The following VAV2 variants were observed in gnomAD, a reference collection of about 807,000 sequenced individuals.
VAV2 encodes vav guanine nucleotide exchange factor 2, also known as guanine nucleotide exchange factor VAV2.
In VAV2, 67 loss-of-function variants were observed where a neutral mutation model predicts 132.5. The observed-to-expected ratio is 0.51, with a 90% CI of 0.42 to 0.62. VAV2 has a LOEUF of 0.62. Among genes scored for constraint, VAV2 ranks in the 20% least tolerant of loss-of-function variants. The probability of loss-of-function intolerance (pLI) is 0.00; values close to 1 mark genes in which losing one functional copy is unlikely to be tolerated. For synonymous variants in VAV2, 492 were observed against 443.5 expected (o/e 1.11, Z -1.37); for missense variants, 938 against 1,153.6 (o/e 0.81, Z 2.71).
chr9:133,925,615 C>T (rs1423070409), intron 2 of VAV2, among the ~76,000 whole-genome samples: 2 of 152,160 alleles, frequency 1.3e-5, no homozygotes, highest in African/African-American at 4.8e-5. Flanking sequence ...CTGCATGTTT[C>T]GCCACTGCCC....
chr9:133,934,724 C>T (rs1840840113), intron 2 of VAV2, among the ~76,000 whole-genome samples: 1 of 152,200 alleles, frequency 6.6e-6, no homozygotes, highest in African/African-American at 2.4e-5. Flanking sequence ...GGGACTGGGG[C>T]CAAGCCCTGT....
Position 133,973,195 on chromosome 9 carries a change from A to C in VAV2, c.204+18880T>G, listed in dbSNP as rs190703298. On this transcript the variant is annotated intron_variant, in intron 1 of 29. Transcript: ENST00000371850. The stretch of plus-strand genomic sequence containing the variant: ...CCCCTGTCTGCACACAGTTGAAGAG[A>C]CCTCAATGCCACCATCTGTCTGGCA... Among the ~76,000 whole-genome samples, 69 of 152,014 alleles carry C rather than the reference A, an allele frequency of 4.5e-4. 1 individual carries two copies. Among genetic ancestry groups the C allele is most frequent in the Middle Eastern group, 6.8e-3 (2 of 294 alleles).
At chr9:133,915,989 C>T (rs12000484) in intron 2 of VAV2, among the ~76,000 whole-genome samples, 7,925 of 151,904 alleles carry the variant, frequency 0.052, 670 homozygotes, top group African/African-American at 0.18. Flanking sequence ...ACACGATGCA[C>T]ACATGATATA....
chr9:133,880,188 C>T (rs995885019), intron 2 of VAV2, among the ~76,000 whole-genome samples: 4 of 152,324 alleles, frequency 2.6e-5, no homozygotes, highest in East Asian at 1.9e-4. Flanking sequence ...TTGGCACTCA[C>T]GAGCAGCCCT....
At chr9:133,854,774 C>A (rs145547781) in intron 3 of VAV2, among the ~76,000 whole-genome samples, 3 of 152,226 alleles carry the variant, frequency 2.0e-5, no homozygotes, top group South Asian at 2.1e-4. Flanking sequence ...AGGTTGAATC[C>A]ATTATTGTAA....
At chr9:133,956,570 T>C (rs760282103) in intron 1 of VAV2, among the ~76,000 whole-genome samples, 4 of 152,194 alleles carry the variant, frequency 2.6e-5, no homozygotes, top group Non-Finnish European at 4.4e-5. Context: ...GTCCTGGGAA[T>C]GTATAAAAAG....
At chr9:133,855,907 G>A (rs1837365983) in intron 3 of VAV2, among the ~76,000 whole-genome samples, 1 of 152,220 alleles carries the variant, frequency 6.6e-6, no homozygotes, top group South Asian at 2.1e-4. Flanking sequence ...AAACAGGCCA[G>A]AGTTCATCAC....
intron 2 of VAV2, among the ~76,000 whole-genome samples, chr9:133,915,656 C>T (rs1290319391): frequency 3.3e-5 from 5 of 151,634 alleles, no homozygotes; most frequent in East Asian, 1.9e-4. Flanking sequence ...TACATGTACA[C>T]GACGCACACA....
At chr9:133,849,266 G>C (rs1025797243) in intron 3 of VAV2, among the ~76,000 whole-genome samples, 6 of 152,162 alleles carry the variant, frequency 3.9e-5, no homozygotes, top group African/African-American at 1.2e-4. Flanking sequence ...GACCCCGAAG[G>C]CTCACCCCTC....
At chr9:133,832,114 G>A (rs551035452) in intron 4 of VAV2, among the ~76,000 whole-genome samples, 2 of 152,316 alleles carry the variant, frequency 1.3e-5, no homozygotes, top group African/African-American at 4.8e-5. Flanking sequence ...GCTGGACCAG[G>A]AGAGGACAGG....
In VAV2 at chr9:133,961,695, C is replaced by A. The variant is rs765276636; in HGVS notation, c.205-22476G>T. The stretch of plus-strand genomic sequence containing the variant: ...TTACTTCCCATTGCAAACCCCTAGC[C>A]GGTTTGCCTGCGAACTCCCAAGCCA... On this transcript the variant is annotated intron_variant, in intron 1 of 29. Coordinates refer to ENST00000371850, the MANE Select transcript of VAV2 (RefSeq NM_001134398.2). This position sits in a 1 kb window ranked among gnomAD's most constrained non-coding sequence, Gnocchi z 4.1. 6.6e-6 allele frequency among the ~76,000 whole-genome samples: 1 copy of A among 152,202 alleles called. No individual in the cohort carries two copies. Among genetic ancestry groups the A allele is most frequent in the African/African-American group, 2.4e-5 (1 of 41,444 alleles).
intron 1 of VAV2, among the ~76,000 whole-genome samples, chr9:133,955,430 T>A (rs1426181544): frequency 2.9e-5 from 1 of 34,018 alleles, no homozygotes; most frequent in Non-Finnish European, 5.6e-5. Context: ...CCCCCCTGCT[T>A]CTCCCCACTC....
rs1835066820 is a variant in VAV2 at position 133,804,704 on chromosome 9, C to A, written c.836+1377G>T. Among the ~76,000 whole-genome samples the A allele has an allele frequency of 6.6e-6, 1 of 152,208 alleles. No homozygotes were observed. Among genetic ancestry groups the A allele is most frequent in the Non-Finnish European group, 1.5e-5 (1 of 68,034 alleles). ...CACTGTACCCCACACCTGCTGAGGA[C>A]TGGGGCGACAGCCAGTGTGACCTGC... On this transcript the variant is annotated intron_variant, in intron 9 of 29. Transcript: ENST00000371850. The surrounding 1 kb of genome is among the most constrained non-coding windows in gnomAD (Gnocchi z 4.5).
chr9:133,862,942 G>A (rs529036373), intron 2 of VAV2, among the ~76,000 whole-genome samples: 199 of 152,322 alleles, frequency 1.3e-3, no homozygotes, highest in African/African-American at 4.4e-3. Flanking sequence ...CTTCCTGTAC[G>A]TGCTCGTGAT....
rs561823453 is a variant in VAV2, at chr9:133,772,912, G to A, written c.2136-866C>T. On this transcript the variant is annotated intron_variant, in intron 25 of 29. Transcript: ENST00000371850. ...TGCACACCCCACATGTAGGCTGGAC[G>A]GCAGAGCCTACCACACACCCTATAC... 8.5e-4 allele frequency among the ~76,000 whole-genome samples: 92 copies of A among 108,354 alleles called. 2 individuals are homozygous for A. Among genetic ancestry groups the A allele is most frequent in the Non-Finnish European group, 1.4e-3 (62 of 45,590 alleles). 71.1% of individuals were successfully genotyped at this position (108,354 alleles called of 152,430 possible). A position where few individuals can be genotyped will look rare whatever the true frequency, so the allele number is the denominator to read the frequency against.
intron 1 of VAV2, among the ~76,000 whole-genome samples, chr9:133,973,695 C>T (rs1842415353): frequency 6.6e-6 from 1 of 152,188 alleles, no homozygotes. Context: ...CTAGATACCC[C>T]GCACAAGGGT....
At chr9:133,791,923 CTG>C (rs772384036) in intron 12 of VAV2, 54 bp from the exon 13 acceptor site, 11 of 1,377,290 alleles carry the variant, frequency 8.0e-6, no homozygotes, top group African/African-American at 1.6e-5. Flanking sequence ...GTGTGTGTGA[CTG>C]TGTGTGTAAG....
chr9:133,950,569 G>T (rs926046805), intron 1 of VAV2, among the ~76,000 whole-genome samples: 1 of 152,122 alleles, frequency 6.6e-6, no homozygotes, highest in Non-Finnish European at 1.5e-5. Context: ...CAAACCAAAG[G>T]TTTTCTATAA....
At chr9:133,925,929 C>T (rs1840461391) in intron 2 of VAV2, 2 of 136,990 alleles carry the variant, frequency 1.5e-5, no homozygotes. Context: ...CCAACAGACA[C>T]AATTAATGTC....
Sources: allele counts gnomAD v4.1 joint callset (sites outside exome capture counted in the v4.1 genomes callset), GRCh38; gene constraint gnomAD v4.1.1; non-coding constraint Gnocchi (gnomAD v3.1); transcripts MANE v1.5; gene names NCBI Gene and HGNC (gene_info 2026-07-23, HGNC 2026-07-21).